The following TRPC5OS variants were observed in gnomAD, a reference collection of about 807,000 sequenced individuals.
TRPC5OS encodes TRPC5 opposite strand.
For missense variants in TRPC5OS, 64 were observed against 79.3 expected (o/e 0.81, Z 0.73); for synonymous variants, 30 against 29.3 (o/e 1.02, Z -0.08).
intron 1 of TRPC5OS, among the ~76,000 whole-genome samples, chrX:111,883,352 G>A (rs953252794): frequency 4.4e-5 from 5 of 112,398 alleles, no homozygotes; most frequent in African/African-American, 1.6e-4. Context: ...TGCCTAGTCA[G>A]CCCAGTTAAG....
intron 1 of TRPC5OS, among the ~76,000 whole-genome samples, chrX:111,881,514 G>A (rs1924219759): frequency 9.0e-6 from 1 of 111,559 alleles, no homozygotes; most frequent in South Asian, 3.8e-4. Flanking sequence ...GTTACCAAAT[G>A]TCGGTGTCCT....
intron 3 of TRPC5OS, among the ~76,000 whole-genome samples, chrX:111,897,006 T>C (rs1460174881): frequency 8.9e-6 from 1 of 112,260 alleles, no homozygotes; most frequent in Non-Finnish European, 1.9e-5. Flanking sequence ...ACCTTTGCTT[T>C]CTGATGGTTT....
chrX:111,882,386 G>A (rs192036113), intron 1 of TRPC5OS, among the ~76,000 whole-genome samples: 6 of 112,200 alleles, frequency 5.3e-5, no homozygotes, highest in Non-Finnish European at 9.4e-5. Context: ...ATGACCCAGA[G>A]TACGGCCTGA....
In TRPC5OS at chrX:111,903,038, C is replaced by T. The variant is rs982440897; in HGVS notation, c.*853C>T. 6 of 111,907 alleles carry T rather than the reference C, an allele frequency of 5.4e-5. No individual in the cohort carries two copies. Among genetic ancestry groups the T allele is most frequent in the African/African-American group, 1.9e-4 (6 of 30,817 alleles). 9.2% of individuals were successfully genotyped at this position (111,907 alleles called of 1,213,427 possible). ...TGGACTAGATATAGTCCTTAGGCAT[C>T]AAAGCAGGAAGATGCTACAACCCCA... On this transcript the variant is annotated 3_prime_UTR_variant, in exon 4 of 4. Transcript: ENST00000635763.
chrX:111,888,892 G>A (rs757338443), intron 1 of TRPC5OS, among the ~76,000 whole-genome samples: 17 of 110,703 alleles, frequency 1.5e-4, no homozygotes, highest in Admixed American at 1.4e-3. Flanking sequence ...ATATCCTGGC[G>A]GATTGACTGT....
At chrX:111,895,841 A>G (rs1454442788) in intron 1 of TRPC5OS, 110 bp from the exon 2 acceptor site, 1 of 111,127 alleles carries the variant, frequency 9.0e-6, no homozygotes, top group African/African-American at 3.3e-5. Context: ...ACTAGCCTTT[A>G]TTTATTCTTA....
In TRPC5OS at chrX:111,901,861, G is replaced by A; in HGVS notation, c.12G>A (p.Val4=). 8.8e-7 allele frequency: 1 copy of A among 1,136,339 alleles called. No individual in the cohort carries two copies. The allele number at this position is 1,136,339 out of a possible 1,213,427, so 93.6% of individuals were successfully genotyped here. The change falls in exon 4 of 4, where the codon GTG becomes GTA. Residue 4 remains valine, a synonymous_variant. Transcript: ENST00000635763. MDS[V]LIHVLIDGLV... ...AAGAGCACTGCAGCATGGATTCTGTGTTAATTCATGTACTCATTGATGGAC... is the reference window on the plus strand; with the variant it reads ...AAGAGCACTGCAGCATGGATTCTGTATTAATTCATGTACTCATTGATGGAC...
chrX:111,876,814 C>T (rs1291375638), intron 1 of TRPC5OS, among the ~76,000 whole-genome samples: 7 of 111,681 alleles, frequency 6.3e-5, no homozygotes, highest in African/African-American at 2.3e-4. Context: ...CCTGGCTTCT[C>T]AAGGGTATGG....
At chrX:111,895,069 T>C (rs920475960) in intron 1 of TRPC5OS, among the ~76,000 whole-genome samples, 1 of 112,047 alleles carries the variant, frequency 8.9e-6, no homozygotes, top group African/African-American at 3.2e-5. Flanking sequence ...CATTCCAGGG[T>C]CATGTGATAG....
chrX:111,888,693 C>CAAAAAAAAA (rs753735549), intron 1 of TRPC5OS, among the ~76,000 whole-genome samples: 30 of 10,761 alleles, frequency 2.8e-3, no homozygotes, highest in Admixed American at 4.5e-3. Flanking sequence ...GACTCTATCT[C>CAAAAAAAAA]AAAAAAAAAA....
intron 1 of TRPC5OS, among the ~76,000 whole-genome samples, chrX:111,888,693 C>CAAAAAAAA (rs753735549): frequency 7.3e-4 from 8 of 10,957 alleles, no homozygotes; most frequent in Admixed American, 1.5e-3. Context: ...GACTCTATCT[C>CAAAAAAAA]AAAAAAAAAA....
At chrX:111,877,807 G>T (rs371758305) in intron 1 of TRPC5OS, among the ~76,000 whole-genome samples, 2 of 111,424 alleles carry the variant, frequency 1.8e-5, no homozygotes, top group Admixed American at 9.6e-5. Context: ...ACCTATGTAG[G>T]TTGGCTGTAA....
At chrX:111,895,553 G>A (rs992345366) in intron 1 of TRPC5OS, among the ~76,000 whole-genome samples, 1 of 110,783 alleles carries the variant, frequency 9.0e-6, no homozygotes, top group Non-Finnish European at 1.9e-5. Flanking sequence ...TGTCCTCTGG[G>A]AAATATTTGC....
intron 1 of TRPC5OS, among the ~76,000 whole-genome samples, chrX:111,888,456 C>T (rs1203329369): frequency 9.8e-6 from 1 of 101,718 alleles, no homozygotes; most frequent in Non-Finnish European, 2.0e-5. Context: ...GGGCGGATCA[C>T]GAGGTCAGGA....
rs1463109298 is a variant in TRPC5OS, at chrX:111,902,396, T to C, written c.*211T>C. The stretch of plus-strand genomic sequence containing the variant: ...TTGTTGTTATTCAGAAAGTTCTGTC[T>C]TTTGCCATGTAGGTCTCCCTTTACC... On this transcript the variant is annotated 3_prime_UTR_variant, in exon 4 of 4. Transcript: ENST00000635763. The C allele has an allele frequency of 3.5e-6, 1 of 285,552 alleles. No homozygotes were observed. Among genetic ancestry groups the C allele is most frequent in the African/African-American group, 2.8e-5 (1 of 36,027 alleles). The allele number at this position is 285,552 out of a possible 1,213,427, so 23.5% of individuals were successfully genotyped here. A position where few individuals can be genotyped will look rare whatever the true frequency, so the allele number is the denominator to read the frequency against.
chrX:111,896,911 T>G (rs903651004), intron 3 of TRPC5OS, among the ~76,000 whole-genome samples: 4 of 111,850 alleles, frequency 3.6e-5, no homozygotes, highest in Non-Finnish European at 5.7e-5. Context: ...GAGGATTAAA[T>G]GTACTACAGG....
intron 3 of TRPC5OS, among the ~76,000 whole-genome samples, chrX:111,899,553 G>T (rs1265857092): frequency 9.0e-6 from 1 of 111,134 alleles, no homozygotes; most frequent in Non-Finnish European, 1.9e-5. Context: ...CCCAGAGGAA[G>T]ATAGAGAAGC....
chrX:111,879,533 A>G (rs1272190030), intron 1 of TRPC5OS, among the ~76,000 whole-genome samples: 1 of 112,471 alleles, frequency 8.9e-6, no homozygotes, highest in East Asian at 2.8e-4. Flanking sequence ...TAAACCAGTC[A>G]GCACATCTTT....
rs762968326 is a variant in TRPC5OS at position 111,902,214 on chromosome X, A to G, written c.*29A>G. ...CCAATTTCTGCCCCCGTCCCCAGGG[A>G]TGTGAAAACTGATCATTTCTCTGTT... On this transcript the variant is annotated 3_prime_UTR_variant, in exon 4 of 4. Transcript: ENST00000635763. 1 of 940,825 alleles carries G rather than the reference A, an allele frequency of 1.1e-6. No homozygotes were observed. Among genetic ancestry groups the G allele is most frequent in the Non-Finnish European group, 1.4e-6 (1 of 708,595 alleles). 77.5% of individuals were successfully genotyped at this position (940,825 alleles called of 1,213,427 possible). A position where few individuals can be genotyped will look rare whatever the true frequency, so the allele number is the denominator to read the frequency against.
Sources: allele counts gnomAD v4.1 joint callset (sites outside exome capture counted in the v4.1 genomes callset), GRCh38; gene constraint gnomAD v4.1.1; transcripts MANE v1.5; gene names NCBI Gene and HGNC (gene_info 2026-07-23, HGNC 2026-07-21).